Variants in PRH1 observed in about 807,000 individuals in gnomAD.
The protein encoded by PRH1 is salivary acidic proline-rich phosphoprotein 1/2.
In PRH1, 7 loss-of-function variants were observed where a neutral mutation model predicts 7.9. The observed-to-expected ratio is 0.89, with a 90% CI of 0.50 to 1.67. PRH1 has a LOEUF of 1.67. Among genes scored for constraint, PRH1 ranks in the 40% most tolerant of loss-of-function variants. The pLI is 0.00. For missense variants in PRH1, 109 were observed against 223.6 expected, an observed-to-expected ratio of 0.49 and a Z score of 3.27; for synonymous variants, 45 against 80.8, an observed-to-expected ratio of 0.56 and a Z score of 2.38.
intron 1 of PRH1, 136 bp downstream of exon 1, chr12:10,884,015 ATCT>A: frequency 1.0e-6 from 1 of 972,418 alleles, no homozygotes; most frequent in Non-Finnish European, 1.5e-6. Context: ...GGTACAATAG[ATCT>A]TCTGATCCTC....
chr12:10,926,585 A>T (rs1390936437), intron 2 of PRH1, among the ~76,000 whole-genome samples: 2 of 152,170 alleles, frequency 1.3e-5, no homozygotes, highest in Admixed American at 6.5e-5. Flanking sequence ...GGGAACTGAT[A>T]TGGGATGTAC....
At chr12:11,158,737 AAG>A (rs1947328716) in intron 1 of PRH1, 1 of 14,874 alleles carries the variant, frequency 6.7e-5, no homozygotes, top group Non-Finnish European at 5.8e-4. Flanking sequence ...GTCTTCTATT[AAG>A]TTATTTCTTT....
chr12:11,125,575 G>T lies in PRH1; in HGVS notation n.40-4395C>A, dbSNP rs191245189. On this transcript the variant is annotated intron_variant and non_coding_transcript_variant, in intron 1 of 1. Coordinates refer to the PRH1 transcript ENST00000541175. ...TCCTGTAATATTCAAAAAATTTGTAGTATCAAAATATTTTTCCTCACACAT... is the reference window on the plus strand; with the variant it reads ...TCCTGTAATATTCAAAAAATTTGTATTATCAAAATATTTTTCCTCACACAT... 2.0e-4 allele frequency among the ~76,000 whole-genome samples: 31 copies of T among 152,382 alleles called. No homozygotes were observed. In the East Asian group the frequency reaches 6.0e-3, roughly 29 times the overall value.
intron 1 of PRH1, among the ~76,000 whole-genome samples, chr12:11,033,853 A>G (rs1942328879): frequency 6.6e-6 from 1 of 152,232 alleles, no homozygotes; most frequent in South Asian, 2.1e-4. Context: ...GAAATGAACC[A>G]ATACAAAAAT....
chr12:11,171,326 C>T (rs987352037), intron 1 of PRH1: 28 of 1,224,108 alleles, frequency 2.3e-5, no homozygotes, highest in Non-Finnish European at 2.2e-5. Flanking sequence ...ACCCTCGCTA[C>T]AGACGCTGGG....
At chr12:11,091,233 T>C (rs144713582) in intron 1 of PRH1, 19,236 of 1,078,082 alleles carry the variant, frequency 0.018, 4,526 homozygotes, top group Middle Eastern at 0.042. Flanking sequence ...CAGTAAGAAA[T>C]ATAAAATGTT....
chr12:11,158,135 G>GA (rs1555176617), intron 1 of PRH1, among the ~76,000 whole-genome samples: 2 of 151,588 alleles, frequency 1.3e-5, no homozygotes, highest in African/African-American at 4.8e-5. Context: ...ACAGTGCTGG[G>GA]TTTTTTTTCT....
intron 1 of PRH1, among the ~76,000 whole-genome samples, chr12:11,074,392 A>C: frequency 7.0e-6 from 1 of 142,928 alleles, no homozygotes; most frequent in South Asian, 2.2e-4. Context: ...TGGCCACCTG[A>C]GCATCCTCTC....
chr12:11,171,348 A>C, intron 1 of PRH1: 1 of 1,231,366 alleles, frequency 8.1e-7, no homozygotes. Flanking sequence ...GGGCGGCGAC[A>C]CCTGGCTCAT....
At chr12:11,006,446 C>T (rs1940838700) in intron 1 of PRH1, among the ~76,000 whole-genome samples, 1 of 150,076 alleles carries the variant, frequency 6.7e-6, no homozygotes, top group Non-Finnish European at 1.5e-5. Flanking sequence ...ACAATCATAC[C>T]TCGCCGTAGT....
rs371841959 is a variant in PRH1 at position 11,046,999 on chromosome 12, C to T, written c.-126+21G>A. ...CATCAAGATTAGTGGTTTGAAAACACGTCTAAGTGCTTTGACTCACCTCAT... is the reference window on the plus strand; with the variant it reads ...CATCAAGATTAGTGGTTTGAAAACATGTCTAAGTGCTTTGACTCACCTCAT... On this transcript the variant is annotated intron_variant, in intron 1 of 3. Coordinates refer to the PRH1 transcript ENST00000539853. 350 of 496,322 alleles carry T rather than the reference C, an allele frequency of 7.1e-4. 1 individual carries two copies. The highest frequency in any genetic ancestry group is 1.6e-3 in the Admixed American group (75 of 46,348). The allele number at this position is 496,322 out of a possible 1,614,324, so 30.7% of individuals were successfully genotyped here.
intron 1 of PRH1, among the ~76,000 whole-genome samples, chr12:11,160,220 C>T (rs908495536): frequency 3.3e-5 from 5 of 152,040 alleles, no homozygotes; most frequent in African/African-American, 9.7e-5. Flanking sequence ...TTCTACATAC[C>T]AAGCATTTTT....
intron 1 of PRH1, among the ~76,000 whole-genome samples, chr12:11,154,048 A>G (rs1455630811): frequency 6.6e-6 from 1 of 152,184 alleles, no homozygotes; most frequent in Non-Finnish European, 1.5e-5. Flanking sequence ...AATATTTTTG[A>G]GTTTTGAAAA....
At chr12:10,951,198 T>C (rs770697289) in intron 2 of PRH1, among the ~76,000 whole-genome samples, 9 of 152,184 alleles carry the variant, frequency 5.9e-5, no homozygotes, top group Non-Finnish European at 1.3e-4. Context: ...GATTTCTCAT[T>C]TGCAAGCATG....
At chr12:10,970,836 G>A (rs1199131489) in intron 2 of PRH1, among the ~76,000 whole-genome samples, 1 of 152,138 alleles carries the variant, frequency 6.6e-6, no homozygotes, top group African/African-American at 2.4e-5. Flanking sequence ...AAAGTGCTGG[G>A]ATTACAGGCG....
At chr12:11,091,956 T>G in intron 1 of PRH1, 1 of 1,169,766 alleles carries the variant, frequency 8.5e-7, no homozygotes, top group Non-Finnish European at 1.2e-6. Flanking sequence ...CTGAAATGGT[T>G]GATCACTGCC....
At chr12:10,900,676 C>T (rs1949710519) in intron 2 of PRH1, among the ~76,000 whole-genome samples, 1 of 152,220 alleles carries the variant, frequency 6.6e-6, no homozygotes, top group Admixed American at 6.5e-5. Context: ...TTGCTGGGTA[C>T]CCCACCCTGT....
chr12:11,117,239 A>G (rs1479737030), downstream of PRH1, among the ~76,000 whole-genome samples: 1 of 152,162 alleles, frequency 6.6e-6, no homozygotes, highest in Non-Finnish European at 1.5e-5. Flanking sequence ...CAATTAACAT[A>G]AAAAATTAGT....
intron 1 of PRH1, among the ~76,000 whole-genome samples, chr12:11,031,588 G>A (rs553584091): frequency 1.6e-4 from 24 of 151,938 alleles, no homozygotes; most frequent in Non-Finnish European, 3.5e-4. Flanking sequence ...GAAGCCATGA[G>A]CTTTTATTCC....
Sources: allele counts gnomAD v4.1 joint callset (sites outside exome capture counted in the v4.1 genomes callset), GRCh38; gene constraint gnomAD v4.1.1; transcripts MANE v1.5; gene names NCBI Gene and HGNC (gene_info 2026-07-23, HGNC 2026-07-21).